The following BPGM variants were observed in gnomAD, a reference collection of about 807,000 sequenced individuals.
BPGM encodes the protein 2,3-bisphosphoglycerate mutase, erythrocyte.
In BPGM, 15 loss-of-function variants were observed where a neutral mutation model predicts 21.6. The ratio of observed to expected loss-of-function variants is 0.70; its 90% confidence interval spans 0.47 to 1.07. The LOEUF (loss-of-function observed/expected upper bound fraction) is 1.07, where lower values mean the gene tolerates loss of function less well. BPGM is among the 50% of genes least tolerant of loss of function. The pLI, the probability that BPGM is intolerant of heterozygous loss-of-function variation, is 0.00. For synonymous variants in BPGM, 113 were observed against 116.2 expected, an observed-to-expected ratio of 0.97 and a Z score of 0.18; for missense variants, 273 against 319.0, an observed-to-expected ratio of 0.86 and a Z score of 1.10.
intron 2 of BPGM, among the ~76,000 whole-genome samples, chr7:134,663,829 G>A (rs1243764496): frequency 2.0e-5 from 3 of 152,068 alleles, no homozygotes; most frequent in African/African-American, 4.8e-5. Flanking sequence ...TCTTTAAAAC[G>A]ATTCTACAGC....
chr7:134,667,689 T>C (rs1043240972), intron 2 of BPGM, among the ~76,000 whole-genome samples: 1 of 152,234 alleles, frequency 6.6e-6, no homozygotes, highest in Non-Finnish European at 1.5e-5. Context: ...AAAACACTTG[T>C]GGCTGCAGAT....
intron 2 of BPGM, among the ~76,000 whole-genome samples, chr7:134,667,529 G>A (rs954940290): frequency 1.3e-5 from 2 of 152,094 alleles, no homozygotes; most frequent in African/African-American, 4.8e-5. Flanking sequence ...AACATAGTGA[G>A]ACCCCATTTT....
intron 2 of BPGM, among the ~76,000 whole-genome samples, chr7:134,666,816 T>C (rs1385390220): frequency 6.6e-6 from 1 of 152,232 alleles, no homozygotes; most frequent in African/African-American, 2.4e-5. Flanking sequence ...TCTTACAGTG[T>C]CTATTGAAAA....
At chr7:134,656,429 C>G (rs1250686294) in intron 1 of BPGM, among the ~76,000 whole-genome samples, 1 of 152,124 alleles carries the variant, frequency 6.6e-6, no homozygotes, top group East Asian at 1.9e-4. Context: ...TGTATTAGTT[C>G]TCATGCTGCT....
rs1231947445 is a variant in BPGM at position 134,661,324 on chromosome 7, T to C, written c.-61-123T>C. The C allele has an allele frequency of 5.4e-6, 4 of 746,864 alleles. No homozygotes were observed. Among genetic ancestry groups the C allele is most frequent in the Middle Eastern group, 3.9e-4 (1 of 2,550 alleles). The allele number at this position is 746,864 out of a possible 1,614,324, so 46.3% of individuals were successfully genotyped here. A position where few individuals can be genotyped will look rare whatever the true frequency, so the allele number is the denominator to read the frequency against. On this transcript the variant is annotated intron_variant, in intron 1 of 2. Transcript: ENST00000344924. The surrounding 1 kb of genome is among the most constrained non-coding windows in gnomAD (Gnocchi z 4.6). ...TGTATGTGTCACAGTGTATGAGTTA[T>C]CACATTTCTGACTGTTCAAAGGGAT...
intron 2 of BPGM, among the ~76,000 whole-genome samples, chr7:134,667,462 A>G (rs1166450415): frequency 6.6e-6 from 1 of 152,200 alleles, no homozygotes; most frequent in African/African-American, 2.4e-5. Context: ...AGTCTCAACT[A>G]CTAGGGAAGC....
chr7:134,649,656 A>C (rs1795525782), intron 1 of BPGM, among the ~76,000 whole-genome samples: 2 of 152,230 alleles, frequency 1.3e-5, no homozygotes, highest in Admixed American at 1.3e-4. Context: ...AATATGAGGA[A>C]AACATACTTT....
chr7:134,665,980 C>T (rs777084378), intron 2 of BPGM, among the ~76,000 whole-genome samples: 4 of 151,972 alleles, frequency 2.6e-5, no homozygotes, highest in Non-Finnish European at 5.9e-5. Context: ...TGAGTTCAAG[C>T]GATTCTCATG....
chr7:134,678,977 A>G lies in BPGM; in HGVS notation c.726A>G (p.Gln242=). 3.1e-6 allele frequency: 5 copies of G among 1,614,194 alleles called. No individual in the cohort carries two copies. The highest frequency in any genetic ancestry group is 4.2e-6 in the Non-Finnish European group (5 of 1,180,008). ...HQFLGDQEAI[Q]AAIKKVEDQG... Reference sequence around the variant, plus strand: ...TCCTGGGTGACCAAGAGGCGATCCAAGCAGCCATTAAGAAAGTAGAAGATC... The same window carrying G: ...TCCTGGGTGACCAAGAGGCGATCCAGGCAGCCATTAAGAAAGTAGAAGATC... Residue 242 remains glutamine (Q), a synonymous_variant, in exon 3 of 3, where the codon CAA becomes CAG. Coordinates refer to ENST00000344924, the MANE Select transcript of BPGM (RefSeq NM_001724.5).
chr7:134,657,860 G>A (rs1795664756), intron 1 of BPGM, among the ~76,000 whole-genome samples: 1 of 152,138 alleles, frequency 6.6e-6, no homozygotes, highest in Admixed American at 6.6e-5. Flanking sequence ...TTGAAAGGCT[G>A]TGTTGGGCAA....
chr7:134,648,069 A>C (rs112230170), intron 1 of BPGM, among the ~76,000 whole-genome samples: 84,732 of 148,008 alleles, frequency 0.57, 24,729 homozygotes, highest in East Asian at 0.87. Context: ...AAGTGCTGGG[A>C]TTACAGGCGT....
At chr7:134,658,724 A>C (rs1391770289) in intron 1 of BPGM, 1 of 152,164 alleles carries the variant, frequency 6.6e-6, no homozygotes, top group Non-Finnish European at 1.5e-5. Flanking sequence ...GGGAGGAGAG[A>C]GGAAAGTGAC....
At chr7:134,671,469 C>G (rs1180897374) in intron 2 of BPGM, among the ~76,000 whole-genome samples, 1 of 150,656 alleles carries the variant, frequency 6.6e-6, no homozygotes, top group Non-Finnish European at 1.5e-5. Flanking sequence ...TCACGCCATT[C>G]TCCCACCTCA....
At chr7:134,673,233 TTGAC>T (rs1435060462) in intron 2 of BPGM, among the ~76,000 whole-genome samples, 1 of 152,194 alleles carries the variant, frequency 6.6e-6, no homozygotes, top group East Asian at 1.9e-4. Flanking sequence ...TTAAGTCTCA[TTGAC>T]TGATTATTAA....
chr7:134,673,903 CTTT>C (rs11408520), intron 2 of BPGM, among the ~76,000 whole-genome samples: 2 of 122,206 alleles, frequency 1.6e-5, no homozygotes, highest in Admixed American at 8.6e-5. Context: ...GATCTGTTTC[CTTT>C]TTTTTTTTTT....
chr7:134,677,774 A>T (rs1373577217), intron 2 of BPGM, among the ~76,000 whole-genome samples: 1 of 152,194 alleles, frequency 6.6e-6, no homozygotes, highest in African/African-American at 2.4e-5. Context: ...GATAATTTGA[A>T]TACTTTCAGT....
At chr7:134,660,481 G>C (rs1418996131) in intron 1 of BPGM, 2 of 152,524 alleles carry the variant, frequency 1.3e-5, no homozygotes, top group Non-Finnish European at 2.9e-5. Flanking sequence ...GGATGGAGTG[G>C]GCCCAGCAGA....
chr7:134,663,006 TG>T (rs1238549851), intron 2 of BPGM, among the ~76,000 whole-genome samples: 2 of 152,232 alleles, frequency 1.3e-5, no homozygotes, highest in Non-Finnish European at 2.9e-5. Context: ...TCATCCCAGA[TG>T]GTTGTGCTTT....
chr7:134,664,702 A>C (rs996557935), intron 2 of BPGM, among the ~76,000 whole-genome samples: 13 of 152,222 alleles, frequency 8.5e-5, no homozygotes, highest in African/African-American at 3.1e-4. Flanking sequence ...AAACAACCCA[A>C]GTGTTCATCA....
Sources: allele counts gnomAD v4.1 joint callset (sites outside exome capture counted in the v4.1 genomes callset), GRCh38; gene constraint gnomAD v4.1.1; non-coding constraint Gnocchi (gnomAD v3.1); transcripts MANE v1.5; gene names NCBI Gene and HGNC (gene_info 2026-07-23, HGNC 2026-07-21).